Variants in UBE3D observed in about 807,000 individuals in gnomAD.
UBE3D encodes the protein ubiquitin protein ligase E3D.
Under a neutral mutation model 49.6 loss-of-function variants are expected in UBE3D, and 48 were observed. The observed-to-expected ratio is 0.97, with a 90% CI of 0.77 to 1.23. UBE3D has a LOEUF of 1.23. UBE3D is among the 50% of genes most tolerant of loss of function. UBE3D has a pLI of 0.00. For synonymous variants in UBE3D, 189 were observed against 174.2 expected, an observed-to-expected ratio of 1.08 and a Z score of -0.67; for missense variants, 452 against 468.4, an observed-to-expected ratio of 0.96 and a Z score of 0.32.
At chr6:82,960,983 G>C (rs1238431457) in intron 8 of UBE3D, among the ~76,000 whole-genome samples, 1 of 152,020 alleles carries the variant, frequency 6.6e-6, no homozygotes, top group Non-Finnish European at 1.5e-5. Flanking sequence ...TGCTTTTTCT[G>C]AATTGAATCT....
intron 8 of UBE3D, among the ~76,000 whole-genome samples, chr6:82,996,552 G>A (rs1022854045): frequency 6.6e-6 from 1 of 152,080 alleles, no homozygotes; most frequent in African/African-American, 2.4e-5. Context: ...TGGATTTAGT[G>A]ACTCAATTCC....
downstream of UBE3D, among the ~76,000 whole-genome samples, chr6:82,891,106 A>G (rs1770971042): frequency 1.3e-5 from 2 of 152,218 alleles, no homozygotes; most frequent in South Asian, 4.1e-4. Flanking sequence ...AAAGATTCAG[A>G]TTTTGTAATA....
the UBE3D span, among the ~76,000 whole-genome samples, chr6:82,882,001 C>T: frequency 6.6e-6 from 1 of 152,170 alleles, no homozygotes; most frequent in Non-Finnish European, 1.5e-5. Flanking sequence ...ACTTTCCTTC[C>T]TCCCGTCATT....
chr6:82,980,684 T>C (rs1778054592), intron 8 of UBE3D, among the ~76,000 whole-genome samples: 1 of 152,128 alleles, frequency 6.6e-6, no homozygotes, highest in Non-Finnish European at 1.5e-5. Flanking sequence ...CTAAGTTTTC[T>C]TCTCATATTT....
At chr6:82,904,071 G>A (rs747177900) in intron 9 of UBE3D, among the ~76,000 whole-genome samples, 4 of 152,156 alleles carry the variant, frequency 2.6e-5, no homozygotes, top group Admixed American at 6.5e-5. Context: ...GTCTCAGGTG[G>A]CTACCAGGAA....
At chr6:83,049,895 A>G (rs867068289) in intron 3 of UBE3D, 4 of 427,124 alleles carry the variant, frequency 9.4e-6, no homozygotes. Flanking sequence ...TTCTGAGACT[A>G]TTCACAACAA....
chr6:82,930,960 C>G (rs2127744278), intron 9 of UBE3D, among the ~76,000 whole-genome samples: 1 of 152,290 alleles, frequency 6.6e-6, no homozygotes, highest in East Asian at 1.9e-4. Context: ...GGCAGCCCCT[C>G]CCATAACAGG....
intron 9 of UBE3D, among the ~76,000 whole-genome samples, chr6:82,895,810 T>C (rs1166088998): frequency 6.6e-6 from 1 of 152,190 alleles, no homozygotes; most frequent in East Asian, 1.9e-4. Context: ...ACTTTACAGA[T>C]GAATGACAGA....
chr6:82,911,200 A>G lies in UBE3D; in HGVS notation c.1150-18158T>C, dbSNP rs1772483155. Among the ~76,000 whole-genome samples, 3 of 147,554 alleles carry G rather than the reference A, an allele frequency of 2.0e-5. No homozygotes were observed. The South Asian group carries it at 6.5e-4, about 32-fold the overall frequency. ...GTCACAGCAAGAACATTTTGGCAAA[A>G]AAAAAAAAAAAAAAAAAAAAAAACT... On this transcript the variant is annotated intron_variant, in intron 9 of 9. Transcript: ENST00000369747.
intron 5 of UBE3D, among the ~76,000 whole-genome samples, chr6:83,025,902 A>AAAG (rs1554206162): frequency 5.3e-5 from 8 of 150,626 alleles, no homozygotes; most frequent in African/African-American, 1.7e-4. Flanking sequence ...AAAAAAAAAA[A>AAAG]AAAGAAAAAT....
chr6:82,912,544 C>T (rs529663707), intron 9 of UBE3D, among the ~76,000 whole-genome samples: 279 of 151,898 alleles, frequency 1.8e-3, no homozygotes, highest in Non-Finnish European at 2.5e-3. Flanking sequence ...ACTCTACTTT[C>T]GACTTATAAC....
chr6:82,974,440 C>A (rs529818329), intron 8 of UBE3D, among the ~76,000 whole-genome samples: 3 of 152,200 alleles, frequency 2.0e-5, no homozygotes, highest in African/African-American at 7.2e-5. Flanking sequence ...ATAACCTGCA[C>A]ATATCCTCCC....
intron 8 of UBE3D, among the ~76,000 whole-genome samples, chr6:82,985,623 A>C (rs888847678): frequency 1.3e-5 from 2 of 152,186 alleles, no homozygotes; most frequent in Non-Finnish European, 2.9e-5. Flanking sequence ...CGGCCTCACA[A>C]AGTGCTGGGA....
intron 9 of UBE3D, among the ~76,000 whole-genome samples, chr6:82,939,661 T>C (rs1049041140): frequency 2.0e-5 from 3 of 152,218 alleles, no homozygotes; most frequent in Admixed American, 2.0e-4. Flanking sequence ...CCTAGGTGTG[T>C]AGTAGACTGT....
Position 83,027,375 on chromosome 6 carries a change from G to A in UBE3D, c.668-3337C>T, listed in dbSNP as rs1010199719. Among the ~76,000 whole-genome samples the A allele has an allele frequency of 3.7e-5, 5 of 133,450 alleles. No individual in the cohort carries two copies. The Admixed American group carries it at 4.4e-4, about 12-fold the overall frequency. 87.5% of individuals were successfully genotyped at this position (133,450 alleles called of 152,430 possible). ...CGCTTGAACCCAGGAGGCGGAGGTTGCAGTGAGCCAAGACCGCACCACTGT... is the reference window on the plus strand; with the variant it reads ...CGCTTGAACCCAGGAGGCGGAGGTTACAGTGAGCCAAGACCGCACCACTGT... On this transcript the variant is annotated intron_variant, in intron 5 of 9. Coordinates refer to ENST00000369747, the MANE Select transcript of UBE3D (RefSeq NM_198920.3).
intron 8 of UBE3D, among the ~76,000 whole-genome samples, chr6:82,981,196 CAAGTG>C (rs1778096365): frequency 1.3e-5 from 2 of 152,084 alleles, no homozygotes; most frequent in Non-Finnish European, 2.9e-5. Flanking sequence ...GCCAGAACTT[CAAGTG>C]TTTTCTATCA....
intron 8 of UBE3D, among the ~76,000 whole-genome samples, chr6:82,981,264 T>C (rs138242867): frequency 5.3e-5 from 8 of 152,244 alleles, no homozygotes; most frequent in African/African-American, 1.9e-4. Flanking sequence ...ATATTTGCCC[T>C]TTAAGCTTCA....
intron 5 of UBE3D, among the ~76,000 whole-genome samples, chr6:83,035,183 A>G (rs1782161373): frequency 7.6e-6 from 1 of 131,078 alleles, no homozygotes; most frequent in African/African-American, 3.4e-5. Context: ...TATGTCTCAA[A>G]AAAAAAAAAA....
chr6:83,008,791 C>T (rs1780157086), intron 8 of UBE3D, among the ~76,000 whole-genome samples: 1 of 152,184 alleles, frequency 6.6e-6, no homozygotes, highest in East Asian at 1.9e-4. Context: ...AAAAGAAAGA[C>T]ACTAATGTCC....
Sources: allele counts gnomAD v4.1 joint callset (sites outside exome capture counted in the v4.1 genomes callset), GRCh38; gene constraint gnomAD v4.1.1; transcripts MANE v1.5; gene names NCBI Gene and HGNC (gene_info 2026-07-23, HGNC 2026-07-21).